Variants in TCF12 observed in about 807,000 individuals in gnomAD.
TCF12 encodes the protein DNA-binding protein HTF4.
In TCF12, 45 loss-of-function variants were observed where a neutral mutation model predicts 86.0. The ratio of observed to expected loss-of-function variants is 0.52; its 90% CI spans 0.41 to 0.67. TCF12 has a LOEUF of 0.67. Ranked by LOEUF, TCF12 falls within the 30% of genes least tolerant of loss-of-function variation. TCF12 has a pLI of 0.00. For synonymous variants in TCF12, 330 were observed against 299.6 expected, an observed-to-expected ratio of 1.10 and a Z score of -1.05; for missense variants, 881 against 859.9, an observed-to-expected ratio of 1.02 and a Z score of -0.31.
At position 56,956,934 on chromosome 15, in the gene TCF12, T is replaced by C. The variant is rs1009546770; in HGVS notation, c.148+35836T>C. Among the ~76,000 whole-genome samples the C allele has an allele frequency of 3.3e-5, 5 of 152,304 alleles. No individual in the cohort carries two copies. In the South Asian group the frequency reaches 1.0e-3, roughly 32 times the overall value. Reference sequence around the variant, plus strand: ...ATGGTTTCAATGTTCCATTCAAAATTCATGTTGAAATTTTATTACCATTCT... The same window carrying C: ...ATGGTTTCAATGTTCCATTCAAAATCCATGTTGAAATTTTATTACCATTCT... On this transcript the variant is annotated intron_variant, in intron 3 of 20. Transcript: ENST00000333725.
chr15:57,241,303 G>A (rs1259656407), intron 12 of TCF12, among the ~76,000 whole-genome samples: 2 of 151,930 alleles, frequency 1.3e-5, no homozygotes, highest in Non-Finnish European at 2.9e-5. Context: ...TGTTGGCCAG[G>A]CTGGTCTCGA....
chr15:57,270,117 G>A (rs1447027725), intron 18 of TCF12, among the ~76,000 whole-genome samples: 2 of 152,140 alleles, frequency 1.3e-5, no homozygotes, highest in Non-Finnish European at 2.9e-5. Context: ...TTGCTAGGTT[G>A]GGGAAGTTCT....
At chr15:57,091,930 T>C (rs753794547) in intron 5 of TCF12, 39 bp downstream of exon 5, 1 of 1,547,696 alleles carries the variant, frequency 6.5e-7, no homozygotes, top group South Asian at 1.1e-5. Flanking sequence ...TTCTCAAAGC[T>C]TCTTTGGTCA....
intron 5 of TCF12, among the ~76,000 whole-genome samples, chr15:57,106,767 A>G (rs1472326947): frequency 1.3e-5 from 2 of 152,248 alleles, no homozygotes; most frequent in African/African-American, 4.8e-5. Flanking sequence ...AAAGACCTGA[A>G]CAGACACCTC....
chr15:56,925,202 C>T (rs2059949730), intron 3 of TCF12, among the ~76,000 whole-genome samples: 1 of 149,886 alleles, frequency 6.7e-6, no homozygotes, highest in Non-Finnish European at 1.5e-5. Context: ...ACTCTGTCTC[C>T]AAAAACAAAA....
intron 3 of TCF12, among the ~76,000 whole-genome samples, chr15:56,945,477 T>G (rs1167152037): frequency 6.6e-6 from 1 of 152,132 alleles, no homozygotes. Flanking sequence ...TCTGAGAGGT[T>G]TTAATTTTGC....
chr15:57,045,655 C>T (rs2067185476), intron 3 of TCF12, among the ~76,000 whole-genome samples: 1 of 152,276 alleles, frequency 6.6e-6, no homozygotes, highest in South Asian at 2.1e-4. Context: ...AAGCGATCCT[C>T]CCACCTCAAC....
intron 4 of TCF12, among the ~76,000 whole-genome samples, chr15:57,081,681 G>A (rs1005462024): frequency 4.6e-5 from 7 of 152,120 alleles, no homozygotes; most frequent in Admixed American, 2.6e-4. Flanking sequence ...GGGACTACAG[G>A]CGCATGCCAC....
intron 20 of TCF12, among the ~76,000 whole-genome samples, chr15:57,284,191 T>TTTGTTG (rs1364719319): frequency 1.3e-5 from 2 of 152,114 alleles, no homozygotes; most frequent in Non-Finnish European, 2.9e-5. Context: ...CTGGGATTTT[T>TTTGTTG]TTGTTGTTGT....
intron 3 of TCF12, among the ~76,000 whole-genome samples, chr15:56,957,444 C>A (rs915398192): frequency 1.3e-5 from 2 of 152,070 alleles, no homozygotes; most frequent in East Asian, 1.9e-4. Flanking sequence ...TGGATTGTTT[C>A]TTTTCCATGC....
chr15:57,171,505 A>C (rs1427963352), intron 6 of TCF12, among the ~76,000 whole-genome samples: 1 of 152,176 alleles, frequency 6.6e-6, no homozygotes, highest in Non-Finnish European at 1.5e-5. Context: ...ACCACATTAA[A>C]ACCATTTTTC....
chr15:57,056,280 A>G (rs2068021524), intron 3 of TCF12, among the ~76,000 whole-genome samples: 1 of 151,734 alleles, frequency 6.6e-6, no homozygotes. Context: ...AGCTGGGATT[A>G]CAGGCGCCCA....
chr15:56,948,364 C>A (rs951136779), intron 3 of TCF12, among the ~76,000 whole-genome samples: 1 of 152,168 alleles, frequency 6.6e-6, no homozygotes. Flanking sequence ...TAAGGTTGCT[C>A]TGATGTCATA....
At chr15:57,195,345 G>T (rs1379131703) in intron 7 of TCF12, among the ~76,000 whole-genome samples, 1 of 152,232 alleles carries the variant, frequency 6.6e-6, no homozygotes, top group South Asian at 2.1e-4. Context: ...TCACATGGCA[G>T]TGGAAAAACT....
chr15:57,243,143 C>T (rs1175992909), intron 12 of TCF12, among the ~76,000 whole-genome samples: 2 of 152,192 alleles, frequency 1.3e-5, no homozygotes, highest in African/African-American at 4.8e-5. Flanking sequence ...AGTTAGATAA[C>T]ATATTCTAGA....
chr15:57,188,801 T>G (rs2056823661), intron 6 of TCF12, among the ~76,000 whole-genome samples: 1 of 152,210 alleles, frequency 6.6e-6, no homozygotes, highest in South Asian at 2.1e-4. Flanking sequence ...TAATTATCAT[T>G]ATTTTGAGAC....
chr15:57,224,796 C>T (rs1314995931), intron 8 of TCF12, among the ~76,000 whole-genome samples: 2 of 152,056 alleles, frequency 1.3e-5, no homozygotes, highest in Non-Finnish European at 2.9e-5. Context: ...AAGAATCTTC[C>T]GTGGAGATGG....
chr15:56,947,197 G>A (rs1169204245), intron 3 of TCF12, among the ~76,000 whole-genome samples: 1 of 152,198 alleles, frequency 6.6e-6, no homozygotes, highest in African/African-American at 2.4e-5. Flanking sequence ...GCTGTATTCA[G>A]ACTGCTTCCA....
intron 3 of TCF12, among the ~76,000 whole-genome samples, chr15:56,951,831 A>G (rs945534974): frequency 6.6e-6 from 1 of 152,048 alleles, no homozygotes; most frequent in Admixed American, 6.6e-5. Flanking sequence ...TATTTATTGT[A>G]GAGATGGGGT....
Sources: allele counts gnomAD v4.1 joint callset (sites outside exome capture counted in the v4.1 genomes callset), GRCh38; gene constraint gnomAD v4.1.1; transcripts MANE v1.5; gene names NCBI Gene and HGNC (gene_info 2026-07-23, HGNC 2026-07-21).